SFI1: variants seen among roughly 807,000 people sequenced by gnomAD.
The protein encoded by SFI1 is protein SFI1 homolog.
Under a neutral mutation model 207.5 loss-of-function variants are expected in SFI1, and 195 were observed. The observed-to-expected ratio is 0.94, with a 90% CI of 0.84 to 1.06. The LOEUF (loss-of-function observed/expected upper bound fraction) is 1.06. SFI1 is among the 50% of genes least tolerant of loss of function. SFI1 has a pLI of 0.00. For missense variants in SFI1, 1,634 were observed against 1,588.0 expected, an observed-to-expected ratio of 1.03 and a Z score of -0.49; for synonymous variants, 630 against 598.9, an observed-to-expected ratio of 1.05 and a Z score of -0.76.
intron 5 of SFI1, among the ~76,000 whole-genome samples, chr22:31,548,235 A>G (rs2060284028): frequency 6.6e-6 from 1 of 151,338 alleles, no homozygotes; most frequent in South Asian, 2.1e-4. Flanking sequence ...AAAATAAGTA[A>G]ATAAATAAAT....
intron 23 of SFI1, 54 bp from the exon 24 acceptor site, chr22:31,611,712 A>C (rs992404851): frequency 6.4e-7 from 1 of 1,568,166 alleles, no homozygotes; most frequent in Non-Finnish European, 8.7e-7. Context: ...GACCCACCCC[A>C]GGCTGTCTAG....
intron 7 of SFI1, among the ~76,000 whole-genome samples, chr22:31,558,582 A>G: frequency 6.6e-6 from 1 of 150,516 alleles, no homozygotes; most frequent in Non-Finnish European, 1.5e-5. Flanking sequence ...GGTTCAAGCG[A>G]TTCTTCTGCC....
At chr22:31,560,887 AG>A (rs375072409) in intron 7 of SFI1, among the ~76,000 whole-genome samples, 1 of 151,936 alleles carries the variant, frequency 6.6e-6, no homozygotes, top group Non-Finnish European at 1.5e-5. Flanking sequence ...TTTTTAATAG[AG>A]ACAGGGTTTC....
At chr22:31,528,437 C>G (rs1259528902) in intron 2 of SFI1, among the ~76,000 whole-genome samples, 2 of 152,038 alleles carry the variant, frequency 1.3e-5, no homozygotes, top group Non-Finnish European at 2.9e-5. Flanking sequence ...CAAAAGAAAA[C>G]TGTGTTAGGC....
At chr22:31,546,390 G>T (rs1378097112) in intron 4 of SFI1, among the ~76,000 whole-genome samples, 3 of 151,980 alleles carry the variant, frequency 2.0e-5, no homozygotes, top group Non-Finnish European at 4.4e-5. Context: ...GAGTGCAGTG[G>T]TGCAGTCTCA....
chr22:31,575,347 G>A lies in SFI1; in HGVS notation c.1039G>A (p.Ala347Thr). 6.8e-6 allele frequency: 11 copies of A among 1,612,718 alleles called. No individual in the cohort carries two copies. Among genetic ancestry groups the A allele is most frequent in the Non-Finnish European group, 8.5e-6 (10 of 1,179,550 alleles). ...TCACCATGCCCAGGTGGAGAAACTG[G>A]CCAGGAAGATGGCCCTGCGGCGCGC... is the stretch of plus-strand genomic sequence containing the variant. ...YAHHAQVEKLARKMALRRAFT... is the reference protein window; with the variant it reads ...YAHHAQVEKLTRKMALRRAFT... Residue 347 changes from alanine to threonine, a missense_variant, in exon 10 of 33, where the codon GCC (alanine) becomes ACC (threonine). Transcript: ENST00000400288.
At chr22:31,603,439 A>G (rs1195971190) in intron 17 of SFI1, among the ~76,000 whole-genome samples, 1 of 152,144 alleles carries the variant, frequency 6.6e-6, no homozygotes, top group East Asian at 1.9e-4. Context: ...TTCAGTGTCC[A>G]CTGTGTGTTC....
intron 15 of SFI1, among the ~76,000 whole-genome samples, chr22:31,591,620 C>T (rs1378912357): frequency 4.9e-5 from 6 of 121,856 alleles, no homozygotes; most frequent in Non-Finnish European, 7.0e-5. Context: ...ACCTCCCTCC[C>T]GGACGGGGCG....
At chr22:31,614,713 G>C in intron 27 of SFI1, 76 bp from the exon 28 acceptor site, 1 of 1,523,570 alleles carries the variant, frequency 6.6e-7, no homozygotes, top group South Asian at 1.1e-5. Context: ...TATAAAATTG[G>C]AGATCCCACA....
chr22:31,608,889 C>T (rs2069552259), intron 22 of SFI1, among the ~76,000 whole-genome samples: 1 of 152,058 alleles, frequency 6.6e-6, no homozygotes, highest in Non-Finnish European at 1.5e-5. Context: ...ACCTATAGTC[C>T]CAGCTACTTG....
intron 4 of SFI1, among the ~76,000 whole-genome samples, chr22:31,538,874 C>T (rs566764458): frequency 6.6e-6 from 1 of 152,146 alleles, no homozygotes; most frequent in Non-Finnish European, 1.5e-5. Flanking sequence ...TTAAATCTCA[C>T]AGTGATTCTC....
At chr22:31,498,131 A>G (rs2053058333) in intron 1 of SFI1, among the ~76,000 whole-genome samples, 1 of 152,228 alleles carries the variant, frequency 6.6e-6, no homozygotes, top group African/African-American at 2.4e-5. Flanking sequence ...CGTCTCAACT[A>G]AAAAATACAA....
At chr22:31,501,846 A>C (rs1674177925) in intron 1 of SFI1, among the ~76,000 whole-genome samples, 1 of 152,224 alleles carries the variant, frequency 6.6e-6, no homozygotes, top group Non-Finnish European at 1.5e-5. Flanking sequence ...TGTAGTTGGC[A>C]CATTCCTCAT....
intron 8 of SFI1, among the ~76,000 whole-genome samples, chr22:31,566,247 C>G (rs1200215242): frequency 6.6e-6 from 1 of 152,022 alleles, no homozygotes; most frequent in African/African-American, 2.4e-5. Context: ...GTGTGCTCCA[C>G]CACATCCAGC....
intron 4 of SFI1, among the ~76,000 whole-genome samples, chr22:31,533,868 A>G (rs977028554): frequency 6.6e-6 from 1 of 152,070 alleles, no homozygotes; most frequent in Non-Finnish European, 1.5e-5. Context: ...TGCATATTCT[A>G]TTCTCCACTG....
chr22:31,535,904 T>C (rs898017163), intron 4 of SFI1, among the ~76,000 whole-genome samples: 23 of 152,266 alleles, frequency 1.5e-4, no homozygotes, highest in Middle Eastern at 3.4e-3. Flanking sequence ...ACCTGCCTTA[T>C]TATACTGAAC....
intron 20 of SFI1, chr22:31,605,937 G>A: frequency 4.7e-6 from 1 of 212,990 alleles, no homozygotes; most frequent in South Asian, 9.1e-5. Flanking sequence ...GGTGGAATAA[G>A]CAAGAACTCC....
intron 5 of SFI1, among the ~76,000 whole-genome samples, chr22:31,548,970 A>G (rs2060365686): frequency 6.6e-6 from 1 of 152,042 alleles, no homozygotes; most frequent in African/African-American, 2.4e-5. Context: ...TGTTTTTTAC[A>G]GTGTGGATAG....
chr22:31,576,398 G>A (rs1015870369), intron 10 of SFI1, among the ~76,000 whole-genome samples: 8 of 151,408 alleles, frequency 5.3e-5, no homozygotes, highest in South Asian at 2.1e-4. Context: ...TCAGCTTACC[G>A]CAACCTCTGC....
Sources: gnomAD v4.1 joint callset for allele counts (sites outside exome capture counted in the v4.1 genomes callset) on GRCh38, gnomAD v4.1.1 for gene constraint, MANE v1.5 for transcripts, NCBI Gene and HGNC (gene_info 2026-07-23, HGNC 2026-07-21) for gene names.